Variants in PLD5 observed in about 807,000 individuals in gnomAD.
PLD5 encodes the protein phospholipase D family member 5.
PLD5 carries 36 observed loss-of-function variants against 61.1 expected under a neutral mutation model. The ratio of observed to expected loss-of-function variants is 0.59; its 90% CI spans 0.45 to 0.78. The LOEUF (loss-of-function observed/expected upper bound fraction) is 0.78. PLD5 is among the 30% of genes least tolerant of loss of function. The probability of loss-of-function intolerance (pLI) is 0.00; values close to 1 mark genes in which losing one functional copy is unlikely to be tolerated. For synonymous variants in PLD5, 243 were observed against 242.8 expected (o/e 1.00, Z -0.01); for missense variants, 515 against 644.4 (o/e 0.80, Z 2.17).
chr1:242,481,345 C>T (rs1158738717), intron 1 of PLD5, among the ~76,000 whole-genome samples: 2 of 152,220 alleles, frequency 1.3e-5, no homozygotes, highest in African/African-American at 4.8e-5. Context: ...CCTGGAAAAT[C>T]AGGTCACTCC....
chr1:242,477,952 G>A (rs1483656452), intron 1 of PLD5, among the ~76,000 whole-genome samples: 1 of 152,190 alleles, frequency 6.6e-6, no homozygotes, highest in Non-Finnish European at 1.5e-5. Flanking sequence ...TACATGGGTG[G>A]ACGGTATCAA....
intron 5 of PLD5, among the ~76,000 whole-genome samples, chr1:242,129,929 T>C (rs1335247225): frequency 1.1e-4 from 16 of 152,200 alleles, no homozygotes; most frequent in Admixed American, 1.0e-3. Context: ...TCACTTAAGA[T>C]AGTGGCCTCC....
At position 242,288,387 on chromosome 1, in the gene PLD5, T is replaced by C. The variant is rs1558432987; in HGVS notation, c.470A>G (p.Asn157Ser). 2.5e-6 allele frequency: 4 copies of C among 1,613,068 alleles called. No homozygotes were observed. The highest frequency in any genetic ancestry group is 3.4e-6 in the Non-Finnish European group (4 of 1,179,676). ...VDIVSSHWDLNHTHPSACQGQ... is the reference protein window; with the variant it reads ...VDIVSSHWDLSHTHPSACQGQ... The stretch of plus-strand genomic sequence containing the variant: ...CTGACATGCTGATGGATGAGTGTGG[T>C]TGAGATCCCAATGGGAAGACACTAT... The change falls in exon 3 of 10, where the codon AAC (asparagine) becomes AGC (serine). Residue 157 changes from asparagine to serine, a missense_variant. Around this residue, in one of 2 missense-constraint regions of PLD5, gnomAD observed 450 missense variants for 598.1 expected, o/e 0.75. Coordinates refer to ENST00000536534, the MANE Select transcript of PLD5 (RefSeq NM_001372062.1).
chr1:242,407,166 G>A (rs1664276057), intron 1 of PLD5, among the ~76,000 whole-genome samples: 1 of 152,036 alleles, frequency 6.6e-6, no homozygotes, highest in Non-Finnish European at 1.5e-5. Context: ...GTTTTATAAA[G>A]GGGAGTTTCC....
chr1:242,397,034 TTC>T (rs760118479), intron 1 of PLD5, among the ~76,000 whole-genome samples: 2 of 152,122 alleles, frequency 1.3e-5, no homozygotes, highest in Non-Finnish European at 2.9e-5. Flanking sequence ...TTAGTTTCTA[TTC>T]TCTTTTATAT....
At chr1:242,119,458 G>A (rs1268719283) in intron 6 of PLD5, among the ~76,000 whole-genome samples, 1 of 152,016 alleles carries the variant, frequency 6.6e-6, no homozygotes. Flanking sequence ...CTGTTTAAGG[G>A]ACTTGTATAC....
At chr1:242,190,052 C>G (rs78728035) in intron 5 of PLD5, among the ~76,000 whole-genome samples, 1 of 150,496 alleles carries the variant, frequency 6.6e-6, no homozygotes, top group Non-Finnish European at 1.5e-5. Flanking sequence ...CAGGCAGCCT[C>G]GGCATCTCCT....
chr1:242,324,561 A>G (rs2149192311), intron 2 of PLD5, among the ~76,000 whole-genome samples: 1 of 152,288 alleles, frequency 6.6e-6, no homozygotes, highest in East Asian at 1.9e-4. Context: ...CTTTGAAGTA[A>G]ACATGATAAT....
chr1:242,134,996 A>G (rs1663599231), intron 5 of PLD5, among the ~76,000 whole-genome samples: 1 of 152,160 alleles, frequency 6.6e-6, no homozygotes, highest in Non-Finnish European at 1.5e-5. Context: ...TAGAGCAAGG[A>G]CTCAGGATTG....
upstream of PLD5, among the ~76,000 whole-genome samples, chr1:242,525,202 C>G (rs939407425): frequency 6.6e-6 from 1 of 152,230 alleles, no homozygotes; most frequent in Admixed American, 6.5e-5. Flanking sequence ...GTACACGCTA[C>G]TTTCATCCGA....
chr1:242,507,871 T>C (rs866226992), intron 1 of PLD5, among the ~76,000 whole-genome samples: 80 of 152,258 alleles, frequency 5.3e-4, no homozygotes, highest in African/African-American at 1.8e-3. Flanking sequence ...GGCTAGATAC[T>C]GGCCTACTTA....
rs1326318001 is a variant in PLD5 at position 242,220,023 on chromosome 1, C to G, written c.700G>C (p.Gly234Arg). 1 of 1,614,126 alleles carries G rather than the reference C, an allele frequency of 6.2e-7. No individual in the cohort carries two copies. Among genetic ancestry groups the G allele is most frequent in the Non-Finnish European group, 8.5e-7 (1 of 1,180,000 alleles). The stretch of plus-strand genomic sequence containing the variant: ...GATTGCCAGTCCAAACCGGCACTGC[C>G]GATATACACGTGCTGTTTGTCCACG... ...WIVDKQHVYI[G>R]SAGLDWQSLG... The change falls in exon 5 of 10, where the codon GGC becomes CGC. Residue 234 changes from glycine (G) to arginine (R), a missense_variant. Physicochemically the swap from Gly to Arg is moderately radical, Grantham distance 125. This residue lies in a region of PLD5 where 450 missense variants were observed against 598.1 expected (regional missense o/e 0.75). Coordinates refer to ENST00000536534, the MANE Select transcript of PLD5 (RefSeq NM_001372062.1).
chr1:242,477,015 C>T (rs575166726), intron 1 of PLD5, among the ~76,000 whole-genome samples: 1 of 152,100 alleles, frequency 6.6e-6, no homozygotes, highest in Non-Finnish European at 1.5e-5. Flanking sequence ...TTTGGGAGGC[C>T]GAGGTGGGTG....
At chr1:242,219,168 C>T (rs577347129) in intron 5 of PLD5, among the ~76,000 whole-genome samples, 1 of 152,288 alleles carries the variant, frequency 6.6e-6, no homozygotes, top group East Asian at 1.9e-4. Flanking sequence ...CTAAGCAATG[C>T]TTTATGTCAC....
intron 1 of PLD5, among the ~76,000 whole-genome samples, chr1:242,480,047 C>T (rs146772011): frequency 0.045 from 6,432 of 143,850 alleles, 218 homozygotes; most frequent in Middle Eastern, 0.065. Context: ...AAGACTCTGT[C>T]TCAGAAAAAA....
chr1:242,333,628 AT>A (rs1659326162), intron 2 of PLD5, among the ~76,000 whole-genome samples: 1 of 152,156 alleles, frequency 6.6e-6, no homozygotes, highest in African/African-American at 2.4e-5. Flanking sequence ...TAATAAACCC[AT>A]TTATATCCTT....
intron 5 of PLD5, among the ~76,000 whole-genome samples, chr1:242,198,701 CAAAAAAAAAAAA>C (rs10603005): frequency 1.9e-5 from 1 of 51,570 alleles, no homozygotes; most frequent in Non-Finnish European, 4.0e-5. Context: ...AAGTCCTTAG[CAAAAAAAAAAAA>C]AAAAAAAAAA....
chr1:242,362,602 A>G (rs906557114), intron 1 of PLD5, among the ~76,000 whole-genome samples: 11 of 152,230 alleles, frequency 7.2e-5, no homozygotes, highest in African/African-American at 2.6e-4. Flanking sequence ...GAAGCACGTC[A>G]CCCAGTAGAC....
intron 1 of PLD5, among the ~76,000 whole-genome samples, chr1:242,402,451 A>G (rs984247915): frequency 3.3e-5 from 5 of 152,216 alleles, no homozygotes; most frequent in Admixed American, 1.3e-4. Context: ...CTCTATCTCC[A>G]TAACACTAAA....
Sources: allele counts gnomAD v4.1 joint callset (sites outside exome capture counted in the v4.1 genomes callset), GRCh38; gene constraint gnomAD v4.1.1; regional missense constraint gnomAD v4.1.1; transcripts MANE v1.5; gene names NCBI Gene and HGNC (gene_info 2026-07-23, HGNC 2026-07-21).